ZNF879: variants seen among roughly 807,000 people sequenced by gnomAD.
ZNF879 encodes zinc finger protein 879.
Under a neutral mutation model 44.3 loss-of-function variants are expected in ZNF879, and 32 were observed. The observed-to-expected ratio is 0.72, with a 90% CI of 0.54 to 0.97. The LOEUF is 0.97. ZNF879 is among the 50% of genes least tolerant of loss of function. ZNF879 has a pLI of 0.00. For synonymous variants in ZNF879, 234 were observed against 233.2 expected (o/e 1.00, Z -0.03); for missense variants, 621 against 669.7 (o/e 0.93, Z 0.80).
intron 4 of ZNF879, among the ~76,000 whole-genome samples, chr5:179,030,140 A>C (rs1204238555): frequency 6.6e-6 from 1 of 152,226 alleles, no homozygotes; most frequent in Non-Finnish European, 1.5e-5. Flanking sequence ...AAATCAATGA[A>C]ATTCCAACGA....
chr5:179,027,711 G>C (rs1042904934), intron 3 of ZNF879, 112 bp downstream of exon 3: 26 of 1,379,918 alleles, frequency 1.9e-5, no homozygotes, highest in Middle Eastern at 4.8e-4. Context: ...TCCAAGAGTG[G>C]CCATTGCCAT....
Position 179,032,921 on chromosome 5 carries a change from T to C in ZNF879, c.973T>C (p.Phe325Leu). 6.4e-7 allele frequency: 1 copy of C among 1,567,782 alleles called. No homozygotes were observed. The highest frequency in any genetic ancestry group is 8.6e-7 in the Non-Finnish European group (1 of 1,156,292). The change falls in exon 5 of 5, where the codon TTC becomes CTC. Residue 325 changes from phenylalanine (F) to leucine (L), a missense_variant. Phe to Leu is a conservative substitution (Grantham distance 22). Coordinates refer to ENST00000444149, the MANE Select transcript of ZNF879 (RefSeq NM_001136116.3). ...PYKCNECGRAFSQCSSLIQHH... is the reference protein window; with the variant it reads ...PYKCNECGRALSQCSSLIQHH... ...TAAGTGTAATGAATGTGGGAGGGCCTTCAGTCAGTGCTCATCTCTCATTCA... is the reference window on the plus strand; with the variant it reads ...TAAGTGTAATGAATGTGGGAGGGCCCTCAGTCAGTGCTCATCTCTCATTCA...
Position 179,028,402 on chromosome 5 carries a change from A to T in ZNF879, c.256+275A>T, listed in dbSNP as rs191401593. Among the ~76,000 whole-genome samples, 272 of 152,262 alleles carry T rather than the reference A, an allele frequency of 1.8e-3. 1 individual carries two copies. The highest frequency in any genetic ancestry group is 6.2e-3 in the African/African-American group (256 of 41,560). Reference sequence around the variant, plus strand: ...GTTTATAATTCTTTTATCTTCCTTTATCCTTGCTTTTACTGGATTGATTCT... The same window carrying T: ...GTTTATAATTCTTTTATCTTCCTTTTTCCTTGCTTTTACTGGATTGATTCT... On this transcript the variant is annotated intron_variant, in intron 4 of 4. Coordinates refer to ENST00000444149, the MANE Select transcript of ZNF879 (RefSeq NM_001136116.3).
rs1761533687 is a variant in ZNF879 at position 179,034,552 on chromosome 5, A to G, written c.*912A>G. On this transcript the variant is annotated 3_prime_UTR_variant, in exon 5 of 5. Coordinates refer to ENST00000444149, the MANE Select transcript of ZNF879 (RefSeq NM_001136116.3). ...AACTCAGGTCATCATCCTTGGAGGT[A>G]AAATGAACCAGATGATTTTCACCCT... The G allele has an allele frequency of 6.6e-6, 1 of 152,250 alleles. No individual in the cohort carries two copies. Among genetic ancestry groups the G allele is most frequent in the Admixed American group, 6.5e-5 (1 of 15,280 alleles). The allele number at this position is 152,250 out of a possible 1,614,324, so 9.4% of individuals were successfully genotyped here.
In ZNF879 at chr5:179,035,048, CAAAAAA is replaced by C. The variant is rs11396395; in HGVS notation, c.*1419_*1424del. ...TGAAACCACGTCTCCACTAAAAATA[CAAAAAA>C]AAAAAAAAAATTAGCCGGCCATGGT... On this transcript the variant is annotated 3_prime_UTR_variant, in exon 5 of 5. Transcript: ENST00000444149. 2.2e-5 allele frequency: 3 copies of C among 134,246 alleles called. No homozygotes were observed. Among genetic ancestry groups the C allele is most frequent in the Non-Finnish European group, 4.8e-5 (3 of 62,924 alleles). 8.3% of individuals were successfully genotyped at this position (134,246 alleles called of 1,614,324 possible).
At chr5:179,026,248 C>T (rs1261142952) in intron 2 of ZNF879, among the ~76,000 whole-genome samples, 1 of 152,132 alleles carries the variant, frequency 6.6e-6, no homozygotes, top group Non-Finnish European at 1.5e-5. Context: ...TAAACTAGAT[C>T]ATCTGTACAC....
At chr5:179,031,950 A>G (rs1441391120) in intron 4 of ZNF879, among the ~76,000 whole-genome samples, 1 of 152,130 alleles carries the variant, frequency 6.6e-6, no homozygotes, top group Admixed American at 6.6e-5. Context: ...CTCATAGCCT[A>G]GCGAGCTGTG....
At position 179,032,775 on chromosome 5, in the gene ZNF879, T is replaced by C. The variant is rs781115295; in HGVS notation, c.827T>C (p.Ile276Thr). 81 of 1,554,040 alleles carry C rather than the reference T, an allele frequency of 5.2e-5. No homozygotes were observed. Among genetic ancestry groups the C allele is most frequent in the Non-Finnish European group, 6.6e-5 (76 of 1,148,656 alleles). ...GCCTTCAGTTTCACCACATCTCTTA[T>C]TGGACACCAGAGAATGCATACTGGA... ...GKAFSFTTSL[I>T]GHQRMHTGER... Residue 276 changes from isoleucine to threonine, a missense_variant, in exon 5 of 5, where the codon ATT becomes ACT. Physicochemically the swap from Ile to Thr is moderately conservative, Grantham distance 89. Coordinates refer to ENST00000444149, the MANE Select transcript of ZNF879 (RefSeq NM_001136116.3).
chr5:179,033,707 G>A lies in ZNF879; in HGVS notation c.*67G>A, dbSNP rs982691556. On this transcript the variant is annotated 3_prime_UTR_variant, in exon 5 of 5. Coordinates refer to ENST00000444149, the MANE Select transcript of ZNF879 (RefSeq NM_001136116.3). ...CATACTGAGTATCAAAAAATTCATT[G>A]TGGGGAGAAAGTGATGAAGAGTAGT... 4.1e-5 allele frequency: 50 copies of A among 1,224,788 alleles called. No individual in the cohort carries two copies. Among genetic ancestry groups the A allele is most frequent in the Non-Finnish European group, 5.0e-5 (45 of 899,456 alleles). 75.9% of individuals were successfully genotyped at this position (1,224,788 alleles called of 1,614,324 possible).
Position 179,033,613 on chromosome 5 carries a change from TACTA to T in ZNF879, c.1667_1670del (p.Thr556IlefsTer18). ...AGGCTTTTAGTCAGAGCTCATCTCT[TACTA>T]ATCATCAAAGGACTCATAATTGAGA... On this transcript the variant is annotated frameshift_variant, in exon 5 of 5. Transcript: ENST00000444149. LOFTEE classifies it high-confidence loss of function. The T allele has an allele frequency of 6.5e-7, 1 of 1,526,850 alleles. No homozygotes were observed. Among genetic ancestry groups the T allele is most frequent in the Non-Finnish European group, 8.8e-7 (1 of 1,138,416 alleles). The allele number at this position is 1,526,850 out of a possible 1,614,324, so 94.6% of individuals were successfully genotyped here.
At chr5:179,030,231 G>A (rs1761384846) in intron 4 of ZNF879, among the ~76,000 whole-genome samples, 3 of 152,196 alleles carry the variant, frequency 2.0e-5, no homozygotes, top group Admixed American at 2.0e-4. Flanking sequence ...TGAGTGATAA[G>A]CAGTATCGTT....
Position 179,032,234 on chromosome 5 carries a change from T to C in ZNF879, c.286T>C (p.Ser96Pro), listed in dbSNP as rs1201455153. ...GGAAAGCTTGTTTGGAACCATAGTT[T>C]CTAAAGAAGAAAATCAGGAAGTCAT... Reference protein sequence around the residue: ...GWESLFGTIVSKEENQEVMKK... With the variant: ...GWESLFGTIVPKEENQEVMKK... The change falls in exon 5 of 5, where the codon TCT becomes CCT. Residue 96 changes from serine (S) to proline (P), a missense_variant. Physicochemically the swap from Ser to Pro is moderately conservative, Grantham distance 74. Coordinates refer to ENST00000444149, the MANE Select transcript of ZNF879 (RefSeq NM_001136116.3). 1 of 1,527,176 alleles carries C rather than the reference T, an allele frequency of 6.5e-7. No homozygotes were observed. The highest frequency in any genetic ancestry group is 2.5e-5 in the East Asian group (1 of 40,808). The allele number at this position is 1,527,176 out of a possible 1,614,324, so 94.6% of individuals were successfully genotyped here. A position where few individuals can be genotyped will look rare whatever the true frequency, so the allele number is the denominator to read the frequency against.
rs1306557044 is a variant in ZNF879, at chr5:179,025,036, A to G, written c.32A>G (p.Gln11Arg). The change falls in exon 2 of 5, where the codon CAG becomes CGG. Residue 11 changes from glutamine (Q) to arginine (R), a missense_variant and splice_region_variant. Transcript: ENST00000444149. MARRLLPAHV[Q>R]ESVTFRDVAV... ...AGGAGGTTGCTGCCAGCCCATGTAC[A>G]GGTGAGTGAAGGCTTCTTTTTGCTT... The G allele has an allele frequency of 7.7e-6, 12 of 1,551,398 alleles. No homozygotes were observed. The highest frequency in any genetic ancestry group is 1.0e-5 in the Non-Finnish European group (12 of 1,146,874).
Position 179,033,683 on chromosome 5 carries a change from A to T in ZNF879, c.*43A>T, listed in dbSNP as rs1357461642. On this transcript the variant is annotated 3_prime_UTR_variant, in exon 5 of 5. Transcript: ENST00000444149. ...CATGTAGGAACTGAAGTTATATTCCATACTGAGTATCAAAAAATTCATTGT... is the reference window on the plus strand; with the variant it reads ...CATGTAGGAACTGAAGTTATATTCCTTACTGAGTATCAAAAAATTCATTGT... 2.2e-6 allele frequency: 3 copies of T among 1,355,996 alleles called. No homozygotes were observed. The highest frequency in any genetic ancestry group is 3.0e-6 in the Non-Finnish European group (3 of 1,016,364). The allele number at this position is 1,355,996 out of a possible 1,614,324, so 84.0% of individuals were successfully genotyped here. A position where few individuals can be genotyped will look rare whatever the true frequency, so the allele number is the denominator to read the frequency against.
chr5:179,033,632 C>T lies in ZNF879; in HGVS notation c.1684C>T (p.His562Tyr). ...ATCTCTTACTAATCATCAAAGGACT[C>T]ATAATTGAGAAAAACTGTATAAATG... ...SSSLTNHQRT[H>Y]N is the part of the protein sequence containing the mutation. The change falls in exon 5 of 5, where the codon CAT becomes TAT. Residue 562 changes from histidine to tyrosine, a missense_variant. Coordinates refer to ENST00000444149, the MANE Select transcript of ZNF879 (RefSeq NM_001136116.3). 1 of 1,499,548 alleles carries T rather than the reference C, an allele frequency of 6.7e-7. No homozygotes were observed. Among genetic ancestry groups the T allele is most frequent in the Non-Finnish European group, 8.9e-7 (1 of 1,126,134 alleles). 92.9% of individuals were successfully genotyped at this position (1,499,548 alleles called of 1,614,324 possible).
intron 2 of ZNF879, 25 bp downstream of exon 2, chr5:179,025,062 GA>G: frequency 6.4e-7 from 1 of 1,551,364 alleles, no homozygotes; most frequent in Non-Finnish European, 8.7e-7. Context: ...CTTTTTGCTT[GA>G]ACTGCCTTCA....
At chr5:179,025,923 A>T (rs1366817539) in intron 2 of ZNF879, among the ~76,000 whole-genome samples, 1 of 151,802 alleles carries the variant, frequency 6.6e-6, no homozygotes, top group African/African-American at 2.4e-5. Context: ...TCTCAAAAAA[A>T]AAAAAAGCCA....
intron 2 of ZNF879, among the ~76,000 whole-genome samples, chr5:179,025,624 T>C (rs1370234287): frequency 6.6e-6 from 1 of 152,172 alleles, no homozygotes. Flanking sequence ...AAATAATTCC[T>C]TCCTAACACG....
intron 4 of ZNF879, among the ~76,000 whole-genome samples, chr5:179,030,136 A>G (rs775710063): frequency 2.0e-5 from 3 of 152,234 alleles, no homozygotes; most frequent in South Asian, 2.1e-4. Context: ...ATTAAAATCA[A>G]TGAAATTCCA....
Sources: allele counts gnomAD v4.1 joint callset (sites outside exome capture counted in the v4.1 genomes callset), GRCh38; gene constraint gnomAD v4.1.1; transcripts MANE v1.5; gene names NCBI Gene and HGNC (gene_info 2026-07-23, HGNC 2026-07-21).